The following RAB31 variants were observed in gnomAD, a reference collection of about 807,000 sequenced individuals.
RAB31 encodes RAB31, member RAS oncogene family, also known as ras-related protein Rab-31.
Under a neutral mutation model 25.6 loss-of-function variants are expected in RAB31, and 21 were observed. The ratio of observed to expected loss-of-function variants is 0.82; its 90% CI spans 0.58 to 1.18. RAB31 has a LOEUF of 1.18. RAB31 is among the 50% of genes most tolerant of loss of function. The pLI, the probability that RAB31 is intolerant of heterozygous loss-of-function variation, is 0.00. For missense variants in RAB31, 196 were observed against 250.1 expected (o/e 0.78, Z 1.46); for synonymous variants, 87 against 84.0 (o/e 1.04, Z -0.20).
chr18:9,762,425 C>G (rs1208031113), intron 1 of RAB31, among the ~76,000 whole-genome samples: 1 of 152,178 alleles, frequency 6.6e-6, no homozygotes, highest in African/African-American at 2.4e-5. Context: ...AATGCTCCCT[C>G]CAGGAGGTGG....
chr18:9,741,111 C>G, intron 1 of RAB31, among the ~76,000 whole-genome samples: 1 of 152,012 alleles, frequency 6.6e-6, no homozygotes, highest in East Asian at 1.9e-4. Context: ...CATGGTGGCT[C>G]ACGCCTGTAA....
chr18:9,787,395 CA>C, intron 2 of RAB31: 1 of 158,022 alleles, frequency 6.3e-6, no homozygotes, highest in Middle Eastern at 1.6e-3. Flanking sequence ...TAAAACCTTG[CA>C]CATCATTGGA....
At chr18:9,719,301 ATATATATATATAT>A (rs2068061530) in intron 1 of RAB31, among the ~76,000 whole-genome samples, 2 of 23,708 alleles carry the variant, frequency 8.4e-5, no homozygotes, top group African/African-American at 2.1e-4. Flanking sequence ...AAAAAAAAAT[ATATATATATATAT>A]ATATATATAT....
chr18:9,719,323 AT>A (rs1568161307), intron 1 of RAB31, among the ~76,000 whole-genome samples: 5 of 84,974 alleles, frequency 5.9e-5, no homozygotes, highest in African/African-American at 2.3e-4. Context: ...ATATATATAT[AT>A]ATATAAATAA....
intron 1 of RAB31, among the ~76,000 whole-genome samples, chr18:9,722,437 A>G (rs1446284981): frequency 1.3e-5 from 2 of 152,158 alleles, no homozygotes; most frequent in African/African-American, 4.8e-5. Flanking sequence ...AAACCATGAC[A>G]TGGTGCATGA....
chr18:9,809,039 G>GGTGT (rs560390467), intron 3 of RAB31, among the ~76,000 whole-genome samples: 23 of 111,202 alleles, frequency 2.1e-4, no homozygotes, highest in African/African-American at 6.0e-4. Flanking sequence ...GCTGCTGAGG[G>GGTGT]GTGTGTGTGT....
At chr18:9,711,105 T>C (rs2068014742) in intron 1 of RAB31, among the ~76,000 whole-genome samples, 1 of 152,180 alleles carries the variant, frequency 6.6e-6, no homozygotes, top group Non-Finnish European at 1.5e-5. Context: ...CCAATTAGGC[T>C]GATTCTCTGG....
rs1205522988 is a variant in RAB31, at chr18:9,766,031, A to G, written c.40-9247A>G. On this transcript the variant is annotated intron_variant, in intron 1 of 6. Coordinates refer to ENST00000578921, the MANE Select transcript of RAB31 (RefSeq NM_006868.4). This position sits in a 1 kb window ranked among gnomAD's most constrained non-coding sequence, Gnocchi z 4.3. Reference sequence around the variant, plus strand: ...TCAAAAAAGTGCTTTGTGGGTTAATATGGAATTTGTGCCATATTTCTGTGG... The same window carrying G: ...TCAAAAAAGTGCTTTGTGGGTTAATGTGGAATTTGTGCCATATTTCTGTGG... 2.0e-5 allele frequency among the ~76,000 whole-genome samples: 3 copies of G among 152,120 alleles called. No individual in the cohort carries two copies. The highest frequency in any genetic ancestry group is 6.5e-5 in the Admixed American group (1 of 15,274).
At chr18:9,779,280 A>G (rs1359542198) in intron 2 of RAB31, among the ~76,000 whole-genome samples, 2 of 152,252 alleles carry the variant, frequency 1.3e-5, no homozygotes, top group Non-Finnish European at 2.9e-5. Flanking sequence ...GTAGAAATAT[A>G]TAAAATAAAA....
At chr18:9,849,272 C>T (rs1275163123) in intron 6 of RAB31, among the ~76,000 whole-genome samples, 6 of 152,056 alleles carry the variant, frequency 3.9e-5, no homozygotes, top group Non-Finnish European at 7.4e-5. Flanking sequence ...GCCTGTTCTT[C>T]TAGGGAGATT....
chr18:9,710,206 A>G (rs2068009152), intron 1 of RAB31, among the ~76,000 whole-genome samples: 1 of 152,186 alleles, frequency 6.6e-6, no homozygotes, highest in African/African-American at 2.4e-5. Context: ...TTTCCCACCA[A>G]AGAGCTGTGT....
chr18:9,722,043 C>T (rs2068076024), intron 1 of RAB31, among the ~76,000 whole-genome samples: 1 of 151,990 alleles, frequency 6.6e-6, no homozygotes, highest in Non-Finnish European at 1.5e-5. Flanking sequence ...GTCTGAGGAA[C>T]AGCAGGCGAG....
intron 5 of RAB31, among the ~76,000 whole-genome samples, chr18:9,817,749 A>G (rs543707769): frequency 1.3e-4 from 20 of 152,308 alleles, no homozygotes; most frequent in Admixed American, 5.2e-4. Flanking sequence ...CCTTTTATGC[A>G]CAGGTACAGC....
chr18:9,806,251 A>G lies in RAB31; in HGVS notation c.202-7769A>G, dbSNP rs189552598. 1.9e-3 allele frequency among the ~76,000 whole-genome samples: 289 copies of G among 152,126 alleles called. 2 individuals carry two copies. Among genetic ancestry groups the G allele is most frequent in the Non-Finnish European group, 3.3e-3 (225 of 68,026 alleles). ...GCTGAGCCTCAGTTTTCTCATCTGAATAACAGGAACAACTCTGTCTTCTCT... is the reference window on the plus strand; with the variant it reads ...GCTGAGCCTCAGTTTTCTCATCTGAGTAACAGGAACAACTCTGTCTTCTCT... On this transcript the variant is annotated intron_variant, in intron 3 of 6. Coordinates refer to ENST00000578921, the MANE Select transcript of RAB31 (RefSeq NM_006868.4).
chr18:9,726,409 T>C (rs1353869005), intron 1 of RAB31, among the ~76,000 whole-genome samples: 1 of 152,190 alleles, frequency 6.6e-6, no homozygotes, highest in Admixed American at 6.5e-5. Flanking sequence ...TGGGCACGTA[T>C]TCGCTGTGGC....
chr18:9,748,421 G>A (rs535146822), intron 1 of RAB31, among the ~76,000 whole-genome samples: 1 of 151,952 alleles, frequency 6.6e-6, no homozygotes, highest in East Asian at 1.9e-4. Context: ...TGGGAGGATC[G>A]CTTGAGCCCA....
At chr18:9,787,182 C>G (rs2068437780) in intron 2 of RAB31, 1 of 217,994 alleles carries the variant, frequency 4.6e-6, no homozygotes, top group South Asian at 8.4e-5. Context: ...AGCCCAAATC[C>G]ATATTTCTAA....
intron 3 of RAB31, among the ~76,000 whole-genome samples, chr18:9,804,203 G>T (rs1047550377): frequency 1.3e-5 from 2 of 152,220 alleles, no homozygotes; most frequent in African/African-American, 4.8e-5. Context: ...CCCTGCTGTT[G>T]CCCTTTGCTC....
At chr18:9,758,452 C>T (rs980364509) in intron 1 of RAB31, among the ~76,000 whole-genome samples, 1 of 152,020 alleles carries the variant, frequency 6.6e-6, no homozygotes, top group African/African-American at 2.4e-5. Flanking sequence ...TTCTCCTCCC[C>T]CCTCTTCCCT....
Sources: allele counts gnomAD v4.1 joint callset (sites outside exome capture counted in the v4.1 genomes callset), GRCh38; gene constraint gnomAD v4.1.1; non-coding constraint Gnocchi (gnomAD v3.1); transcripts MANE v1.5; gene names NCBI Gene and HGNC (gene_info 2026-07-23, HGNC 2026-07-21).